OLFM3: variants seen among roughly 807,000 people sequenced by gnomAD.
The protein encoded by OLFM3 is noelin-3.
OLFM3 carries 20 observed loss-of-function variants against 48.6 expected under a neutral mutation model. The ratio of observed to expected loss-of-function variants is 0.41; its 90% CI spans 0.29 to 0.60. OLFM3 has a LOEUF of 0.60. Ranked by LOEUF, OLFM3 falls within the 20% of genes least tolerant of loss-of-function variation. The pLI is 0.28. For synonymous variants in OLFM3, 222 were observed against 198.1 expected, an observed-to-expected ratio of 1.12 and a Z score of -1.01; for missense variants, 437 against 544.3, an observed-to-expected ratio of 0.80 and a Z score of 1.96.
chr1:101,967,405 A>G (rs543867992), intron 1 of OLFM3, among the ~76,000 whole-genome samples: 1 of 152,220 alleles, frequency 6.6e-6, no homozygotes, highest in Non-Finnish European at 1.5e-5. Context: ...AAAAAGAAAA[A>G]AAGTAACATA....
chr1:101,915,568 C>T (rs534102426), intron 1 of OLFM3, among the ~76,000 whole-genome samples: 2 of 152,258 alleles, frequency 1.3e-5, no homozygotes, highest in African/African-American at 4.8e-5. Flanking sequence ...TATCTCTCCT[C>T]TCTTAGTAGA....
chr1:101,897,791 A>G (rs1034115931), intron 1 of OLFM3, among the ~76,000 whole-genome samples: 1 of 152,162 alleles, frequency 6.6e-6, no homozygotes, highest in African/African-American at 2.4e-5. Flanking sequence ...GATTAACATA[A>G]TCCAAGTAAC....
chr1:101,881,692 C>G (rs1321818600), intron 1 of OLFM3, among the ~76,000 whole-genome samples: 1 of 151,736 alleles, frequency 6.6e-6, no homozygotes, highest in Non-Finnish European at 1.5e-5. Context: ...TATGCACAGA[C>G]TATACAGTGA....
intron 1 of OLFM3, among the ~76,000 whole-genome samples, chr1:101,904,354 G>A (rs775580666): frequency 2.0e-5 from 3 of 152,058 alleles, no homozygotes; most frequent in Non-Finnish European, 2.9e-5. Flanking sequence ...TTTTAGGAAC[G>A]AGTCAGAAGT....
chr1:101,827,342 G>C (rs1330537011), intron 3 of OLFM3, among the ~76,000 whole-genome samples: 1 of 151,064 alleles, frequency 6.6e-6, no homozygotes, highest in Non-Finnish European at 1.5e-5. Flanking sequence ...TTGAGACGGA[G>C]TCTCACTCTG....
intron 1 of OLFM3, among the ~76,000 whole-genome samples, chr1:101,979,092 TG>T (rs553711876): frequency 1.3e-5 from 2 of 152,132 alleles, no homozygotes; most frequent in Non-Finnish European, 2.9e-5. Context: ...GTATGTCTTG[TG>T]GGGGGGCATG....
At chr1:101,920,405 G>T (rs1022665023) in intron 1 of OLFM3, among the ~76,000 whole-genome samples, 4 of 152,126 alleles carry the variant, frequency 2.6e-5, no homozygotes, top group Admixed American at 6.5e-5. Context: ...CAGGGTATTT[G>T]TCTCCTTTAT....
At chr1:101,805,995 T>A in intron 5 of OLFM3, 81 bp downstream of exon 5, 1 of 994,664 alleles carries the variant, frequency 1.0e-6, no homozygotes, top group Non-Finnish European at 1.5e-6. Context: ...CAAATATCCC[T>A]GAAGAAAATG....
intron 1 of OLFM3, chr1:101,846,859 T>C: frequency 6.2e-7 from 1 of 1,611,528 alleles, no homozygotes; most frequent in Non-Finnish European, 8.5e-7. Flanking sequence ...GTATCCGGAG[T>C]CGACAGCCTC....
intron 2 of OLFM3, among the ~76,000 whole-genome samples, chr1:101,833,684 A>C (rs1655271540): frequency 6.6e-6 from 1 of 152,184 alleles, no homozygotes; most frequent in Non-Finnish European, 1.5e-5. Flanking sequence ...TTCTGGACTT[A>C]AACACAAATT....
At chr1:101,903,449 G>C (rs1048925555) in intron 1 of OLFM3, among the ~76,000 whole-genome samples, 1 of 152,070 alleles carries the variant, frequency 6.6e-6, no homozygotes, top group African/African-American at 2.4e-5. Flanking sequence ...AGGAAAATGA[G>C]TGGAAATTGG....
intron 1 of OLFM3, among the ~76,000 whole-genome samples, chr1:101,940,678 A>C (rs1415388005): frequency 2.0e-5 from 3 of 150,604 alleles, no homozygotes; most frequent in African/African-American, 7.3e-5. Context: ...GTAACTACCC[A>C]GCTATATATA....
chr1:101,839,859 A>G (rs1487220044), intron 1 of OLFM3, among the ~76,000 whole-genome samples: 1 of 152,234 alleles, frequency 6.6e-6, no homozygotes, highest in African/African-American at 2.4e-5. Flanking sequence ...GAATCAGTGA[A>G]AAGAGCCATG....
chr1:101,991,016 AATATATATAT>A lies in OLFM3; in HGVS notation c.69+5722_69+5731del, dbSNP rs1215588189. Among the ~76,000 whole-genome samples, 97 of 32,218 alleles carry A rather than the reference AATATATATAT, an allele frequency of 3.0e-3. 3 individuals are homozygous for A. Among genetic ancestry groups the A allele is most frequent in the African/African-American group, 0.015 (90 of 5,822 alleles). 21.1% of individuals were successfully genotyped at this position (32,218 alleles called of 152,430 possible). Reference sequence around the variant, plus strand: ...AAAAAAAAAAAAAAAAAAAAAAAAAAATATATATATATATATATATATATACTTCGTGGTT... The same window carrying A: ...AAAAAAAAAAAAAAAAAAAAAAAAAAATATATATATATATACTTCGTGGTT... On this transcript the variant is annotated intron_variant, in intron 1 of 5. Coordinates refer to ENST00000370103, the MANE Select transcript of OLFM3 (RefSeq NM_058170.4).
intron 1 of OLFM3, among the ~76,000 whole-genome samples, chr1:101,941,947 C>A (rs763224865): frequency 3.3e-5 from 5 of 152,184 alleles, no homozygotes; most frequent in Admixed American, 2.6e-4. Context: ...TATTCATCAT[C>A]TCATTTATTA....
intron 1 of OLFM3, among the ~76,000 whole-genome samples, chr1:101,841,951 C>T (rs929336848): frequency 6.6e-6 from 1 of 152,070 alleles, no homozygotes; most frequent in African/African-American, 2.4e-5. Context: ...GGCTTGGTCC[C>T]AGAGAGTGAC....
chr1:101,970,639 A>T (rs1174730161), intron 1 of OLFM3, among the ~76,000 whole-genome samples: 2 of 152,160 alleles, frequency 1.3e-5, no homozygotes, highest in African/African-American at 4.8e-5. Context: ...TGTCTTTTAG[A>T]TCCTCACCTT....
At chr1:101,896,133 C>T (rs1011969968) in intron 1 of OLFM3, among the ~76,000 whole-genome samples, 22 of 151,868 alleles carry the variant, frequency 1.4e-4, no homozygotes, top group African/African-American at 5.1e-4. Flanking sequence ...AGTAAAAATG[C>T]CAGAAAGTTC....
intron 3 of OLFM3, among the ~76,000 whole-genome samples, chr1:101,826,129 A>AACACACACACACACACAC (rs66617960): frequency 5.3e-5 from 7 of 133,076 alleles, no homozygotes; most frequent in African/African-American, 2.0e-4. Context: ...ACTTTCGTCA[A>AACACACACACACACACAC]ACACACACAC....
Sources: gnomAD v4.1 joint callset for allele counts (sites outside exome capture counted in the v4.1 genomes callset) on GRCh38, gnomAD v4.1.1 for gene constraint, MANE v1.5 for transcripts, NCBI Gene and HGNC (gene_info 2026-07-23, HGNC 2026-07-21) for gene names.